The following PLCB1 variants were observed in gnomAD, a reference collection of about 807,000 sequenced individuals.
PLCB1 encodes the protein 1-phosphatidylinositol 4,5-bisphosphate phosphodiesterase beta-1.
Under a neutral mutation model 161.8 loss-of-function variants are expected in PLCB1, and 46 were observed. That is an observed-to-expected ratio of 0.28 (90% CI 0.22 to 0.36). The LOEUF is 0.36. PLCB1 is among the 10% of genes least tolerant of loss of function. The pLI is 1.00. For synonymous variants in PLCB1, 517 were observed against 503.7 expected (o/e 1.03, Z -0.35); for missense variants, 1,016 against 1,472.5 (o/e 0.69, Z 5.07).
At chr20:8,327,881 T>G (rs1456624792) in intron 2 of PLCB1, among the ~76,000 whole-genome samples, 1 of 151,340 alleles carries the variant, frequency 6.6e-6, no homozygotes, top group African/African-American at 2.5e-5. Flanking sequence ...ATATAATGTG[T>G]ACATATGTAT....
intron 9 of PLCB1, 62 bp downstream of exon 9, chr20:8,658,766 T>G: frequency 7.2e-7 from 1 of 1,392,000 alleles, no homozygotes; most frequent in Non-Finnish European, 9.8e-7. Context: ...AGTCACACGC[T>G]GGGAGTTAGG....
chr20:8,751,971 A>G (rs1981502093), intron 23 of PLCB1: 1 of 152,218 alleles, frequency 6.6e-6, no homozygotes, highest in Non-Finnish European at 1.5e-5. Context: ...ACAGATCCAT[A>G]TAGTGGAATT....
chr20:8,766,781 C>G (rs568832778), intron 26 of PLCB1, among the ~76,000 whole-genome samples: 1 of 152,256 alleles, frequency 6.6e-6, no homozygotes, highest in East Asian at 1.9e-4. Flanking sequence ...AGGTTCTGCT[C>G]CATGTCTGAA....
At chr20:8,667,354 A>G (rs1449786152) in intron 9 of PLCB1, among the ~76,000 whole-genome samples, 1 of 152,172 alleles carries the variant, frequency 6.6e-6, no homozygotes, top group African/African-American at 2.4e-5. Flanking sequence ...TCTTAACTTC[A>G]TGTTTGGTAT....
chr20:8,319,015 G>A (rs1984783147), intron 2 of PLCB1, among the ~76,000 whole-genome samples: 2 of 152,042 alleles, frequency 1.3e-5, no homozygotes, highest in Admixed American at 1.3e-4. Flanking sequence ...GTGTTTAGCT[G>A]TATTACATTT....
intron 2 of PLCB1, among the ~76,000 whole-genome samples, chr20:8,331,665 CTTG>C (rs533339684): frequency 1.3e-3 from 201 of 152,246 alleles, no homozygotes; most frequent in African/African-American, 4.7e-3. Context: ...AAACAAAGAG[CTTG>C]TTGTTAAAGT....
chr20:8,627,819 T>C (rs1988404375), intron 3 of PLCB1, among the ~76,000 whole-genome samples: 1 of 152,220 alleles, frequency 6.6e-6, no homozygotes, highest in Non-Finnish European at 1.5e-5. Flanking sequence ...CTGTGTCTCT[T>C]TGCATCAGTA....
intron 3 of PLCB1, among the ~76,000 whole-genome samples, chr20:8,478,849 C>T (rs1982385769): frequency 6.6e-6 from 1 of 152,040 alleles, no homozygotes; most frequent in Non-Finnish European, 1.5e-5. Flanking sequence ...CTATGTTAAG[C>T]AGGCTCTTTT....
intron 31 of PLCB1, among the ~76,000 whole-genome samples, chr20:8,794,875 A>C (rs959339464): frequency 2.0e-5 from 3 of 152,224 alleles, no homozygotes; most frequent in Admixed American, 2.0e-4. Flanking sequence ...CTCAAAGTTA[A>C]CAGTTTTTCA....
chr20:8,226,883 T>G (rs972001007), intron 2 of PLCB1, among the ~76,000 whole-genome samples: 2 of 151,922 alleles, frequency 1.3e-5, no homozygotes, highest in Non-Finnish European at 2.9e-5. Flanking sequence ...GAGACAGAGG[T>G]TCACCATCTT....
intron 4 of PLCB1, among the ~76,000 whole-genome samples, chr20:8,643,814 C>T (rs1161106254): frequency 6.7e-6 from 1 of 149,428 alleles, no homozygotes; most frequent in Non-Finnish European, 1.5e-5. Context: ...CTCCCTCTCC[C>T]TCTCTTTCCA....
chr20:8,835,326 A>T (rs1330577026), intron 31 of PLCB1, among the ~76,000 whole-genome samples: 1 of 152,102 alleles, frequency 6.6e-6, no homozygotes, highest in Non-Finnish European at 1.5e-5. Flanking sequence ...TAGACCATGG[A>T]CATGGCTTTT....
intron 2 of PLCB1, among the ~76,000 whole-genome samples, chr20:8,298,610 A>G (rs1310582353): frequency 4.0e-5 from 6 of 150,360 alleles, no homozygotes; most frequent in Non-Finnish European, 7.4e-5. Context: ...TTTTTTCCTC[A>G]ACATGTAATG....
chr20:8,736,672 G>C (rs565773556), intron 19 of PLCB1, among the ~76,000 whole-genome samples: 1 of 152,244 alleles, frequency 6.6e-6, no homozygotes, highest in Non-Finnish European at 1.5e-5. Context: ...TCACATGAAG[G>C]GAGAAGAGAG....
At chr20:8,515,596 A>C (rs1984075776) in intron 3 of PLCB1, among the ~76,000 whole-genome samples, 1 of 152,136 alleles carries the variant, frequency 6.6e-6, no homozygotes, top group Non-Finnish European at 1.5e-5. Flanking sequence ...TACTTCCCAC[A>C]ATCTGGGTCA....
At chr20:8,754,031 G>A (rs927220347) in intron 23 of PLCB1, among the ~76,000 whole-genome samples, 8 of 152,150 alleles carry the variant, frequency 5.3e-5, no homozygotes, top group African/African-American at 1.4e-4. Context: ...CCTGGACTAA[G>A]CATTTCTCTA....
chr20:8,742,949 T>C (rs1327052912), intron 23 of PLCB1, among the ~76,000 whole-genome samples: 2 of 152,230 alleles, frequency 1.3e-5, no homozygotes, highest in Non-Finnish European at 2.9e-5. Context: ...TAATAGTTAG[T>C]TGGTGGAGTC....
At chr20:8,580,547 G>A (rs6055917) in intron 3 of PLCB1, among the ~76,000 whole-genome samples, 79,106 of 152,114 alleles carry the variant, frequency 0.52, 21,726 homozygotes, top group African/African-American at 0.7. Context: ...AATACATGGC[G>A]TGTTTCCTGA....
chr20:8,230,056 C>CAAAAAAAAAAA (rs547874616), intron 2 of PLCB1, among the ~76,000 whole-genome samples: 7 of 58,876 alleles, frequency 1.2e-4, no homozygotes, highest in Admixed American at 3.0e-4. Flanking sequence ...GACTTGGCAG[C>CAAAAAAAAAAA]AAAAAAAAAA....
Sources: allele counts gnomAD v4.1 joint callset (sites outside exome capture counted in the v4.1 genomes callset), GRCh38; gene constraint gnomAD v4.1.1; transcripts MANE v1.5; gene names NCBI Gene and HGNC (gene_info 2026-07-23, HGNC 2026-07-21).